The following SREBF1 variants were observed in gnomAD, a reference collection of about 807,000 sequenced individuals.
SREBF1 encodes the protein sterol regulatory element binding transcription factor 1.
A neutral mutation model predicts 100.1 loss-of-function variants in SREBF1; 45 were observed. The ratio of observed to expected loss-of-function variants is 0.45; its 90% CI spans 0.35 to 0.58. The LOEUF (loss-of-function observed/expected upper bound fraction) is 0.58, where lower values mean the gene tolerates loss of function less well. SREBF1 is among the 20% of genes least tolerant of loss of function. SREBF1 has a pLI of 0.00. For missense variants in SREBF1, 1,324 were observed against 1,539.4 expected, an observed-to-expected ratio of 0.86 and a Z score of 2.34; for synonymous variants, 657 against 681.8, an observed-to-expected ratio of 0.96 and a Z score of 0.57.
chr17:17,816,136 G>A lies in SREBF1; in HGVS notation c.2214+71C>T, dbSNP rs28521648. 6.2e-3 allele frequency: 6,497 copies of A among 1,041,542 alleles called. 205 individuals carry two copies. The African/African-American group carries it at 0.17, about 27-fold the overall frequency. 64.5% of individuals were successfully genotyped at this position (1,041,542 alleles called of 1,614,324 possible). Reference sequence around the variant, plus strand: ...CCCCTGGTAACCACTGCCACATCCCGTGTAGCTCTTACCCAGGGAGCCTCT... The same window carrying A: ...CCCCTGGTAACCACTGCCACATCCCATGTAGCTCTTACCCAGGGAGCCTCT... On this transcript the variant is annotated intron_variant, in intron 11 of 18. Coordinates refer to ENST00000261646, the MANE Select transcript of SREBF1 (RefSeq NM_004176.5).
At position 17,820,322 on chromosome 17, in the gene SREBF1, C is replaced by G; in HGVS notation, c.291G>C (p.Leu97=). 6.2e-7 allele frequency: 1 copy of G among 1,613,630 alleles called. No individual in the cohort carries two copies. ...GAGTGGGTGCAGGCTGGGGAGGGGA[C>G]AGGGGTGAGGGCGCTGCCTGCGGCC... ...LSGPQAAPSP[L]SPPQPAPTPL... Residue 97 remains leucine, a synonymous_variant, in exon 2 of 19, where the codon CTG becomes CTC. Coordinates refer to ENST00000261646, the MANE Select transcript of SREBF1 (RefSeq NM_004176.5).
In SREBF1 at chr17:17,817,284, C is replaced by G. The variant is rs1337280156; in HGVS notation, c.1578G>C (p.Gly526=). ...TGCTCTCGGTGCCCAGCACGTTGCGCCCAGGGCTATGGTAGACGCTGGTGG... is the reference window on the plus strand; with the variant it reads ...TGCTCTCGGTGCCCAGCACGTTGCGGCCAGGGCTATGGTAGACGCTGGTGG... The part of the protein sequence containing the change: ...SDTTSVYHSP[G]RNVLGTESRD... The change falls in exon 8 of 19, where the codon GGG becomes GGC. Residue 526 remains glycine, a synonymous_variant. Coordinates refer to ENST00000261646, the MANE Select transcript of SREBF1 (RefSeq NM_004176.5). The surrounding 1 kb of genome is among the most constrained non-coding windows in gnomAD (Gnocchi z 6.6). The G allele has an allele frequency of 6.2e-7, 1 of 1,608,116 alleles. No individual in the cohort carries two copies. Among genetic ancestry groups the G allele is most frequent in the African/African-American group, 1.3e-5 (1 of 74,892 alleles).
chr17:17,816,741 T>C (rs1296994831), intron 9 of SREBF1, 23 bp from the exon 10 acceptor site: 3 of 1,568,586 alleles, frequency 1.9e-6, no homozygotes, highest in Non-Finnish European at 2.6e-6. Context: ...GTTTTCCAGG[T>C]GAGAAAAGTG....
chr17:17,821,037 A>T (rs2034060370), intron 1 of SREBF1, among the ~76,000 whole-genome samples: 1 of 152,180 alleles, frequency 6.6e-6, no homozygotes. Flanking sequence ...AGAACTAAGC[A>T]ACTTTCTGGG....
At chr17:17,833,327 G>C in intron 1 of SREBF1, among the ~76,000 whole-genome samples, 1 of 148,706 alleles carries the variant, frequency 6.7e-6, no homozygotes, top group East Asian at 2.0e-4. Flanking sequence ...GGGAGGCTGA[G>C]GCAGAACTGT....
rs930087796 is a variant in SREBF1, at chr17:17,812,135, G to C, written c.*487C>G. 3 of 426,540 alleles carry C rather than the reference G, an allele frequency of 7.0e-6. No homozygotes were observed. The highest frequency in any genetic ancestry group is 1.7e-5 in the South Asian group (1 of 58,482). The allele number at this position is 426,540 out of a possible 1,614,324, so 26.4% of individuals were successfully genotyped here. ...AAACTTCTCAATCTATGAAAATAAA[G>C]TTTGCAAAAGGCAAAGTAGCACAGG... is the stretch of plus-strand genomic sequence containing the variant. On this transcript the variant is annotated 3_prime_UTR_variant, in exon 19 of 19. Transcript: ENST00000261646.
At chr17:17,827,896 G>A (rs564988389) in intron 1 of SREBF1, among the ~76,000 whole-genome samples, 1 of 152,282 alleles carries the variant, frequency 6.6e-6, no homozygotes, top group South Asian at 2.1e-4. Context: ...AGACAGAGAG[G>A]ACAACACGAA....
rs765863137 is a variant in SREBF1, at chr17:17,817,531, G to C, written c.1405-74C>G. ...AGAGCATGGGGCTGGGAAGGGGGGG[G>C]TCAGGATTCTGCCCACCTTACTGTG... On this transcript the variant is annotated intron_variant, in intron 7 of 18. Coordinates refer to ENST00000261646, the MANE Select transcript of SREBF1 (RefSeq NM_004176.5). This position sits in a 1 kb window ranked among gnomAD's most constrained non-coding sequence, Gnocchi z 6.6. 2 of 1,537,372 alleles carry C rather than the reference G, an allele frequency of 1.3e-6. No homozygotes were observed. Among genetic ancestry groups the C allele is most frequent in the African/African-American group, 1.4e-5 (1 of 73,102 alleles).
chr17:17,829,191 TAAAAAA>T (rs1253225038), intron 1 of SREBF1, among the ~76,000 whole-genome samples: 1 of 44,964 alleles, frequency 2.2e-5, no homozygotes, highest in African/African-American at 1.2e-4. Flanking sequence ...GACTCCATCT[TAAAAAA>T]AAAAAAAAAT....
At position 17,818,381 on chromosome 17, in the gene SREBF1, G is replaced by A. The variant is rs757407198; in HGVS notation, c.1069-7C>T. On this transcript the variant is annotated splice_polypyrimidine_tract_variant and splice_region_variant and intron_variant, in intron 5 of 18. Transcript: ENST00000261646. The stretch of plus-strand genomic sequence containing the variant: ...AGACAGCAGATTTATTCAGCTGCAC[G>A]GTGTGGGAGGGAGGGGGAGCGCACA... 6 of 1,610,096 alleles carry A rather than the reference G, an allele frequency of 3.7e-6. No individual in the cohort carries two copies. Among genetic ancestry groups the A allele is most frequent in the South Asian group, 1.1e-5 (1 of 90,970 alleles).
Position 17,836,836 on chromosome 17 carries a change from G to C in SREBF1, c.-19C>G, listed in dbSNP as rs774885553. On this transcript the variant is annotated 5_prime_UTR_variant, in exon 1 of 19. Coordinates refer to ENST00000261646, the MANE Select transcript of SREBF1 (RefSeq NM_004176.5). ...CGTCCATGGCGCAGCCGCCTCCTCC[G>C]GGAGGCCCGCCGGGCCCGCCGCCTC... 1.3e-6 allele frequency: 2 copies of C among 1,490,082 alleles called. No individual in the cohort carries two copies. Among genetic ancestry groups the C allele is most frequent in the Non-Finnish European group, 1.8e-6 (2 of 1,119,380 alleles). The allele number at this position is 1,490,082 out of a possible 1,614,324, so 92.3% of individuals were successfully genotyped here.
At chr17:17,826,418 C>G (rs1201900210) in intron 1 of SREBF1, among the ~76,000 whole-genome samples, 4 of 152,002 alleles carry the variant, frequency 2.6e-5, no homozygotes, top group Admixed American at 6.5e-5. Flanking sequence ...GAGAGCTGGT[C>G]TCTAGGGGCT....
At chr17:17,835,170 C>G (rs2035152543) in intron 1 of SREBF1, among the ~76,000 whole-genome samples, 1 of 152,048 alleles carries the variant, frequency 6.6e-6, no homozygotes, top group Admixed American at 6.6e-5. Flanking sequence ...AGTTCTGACC[C>G]CAAAGCGCAT....
chr17:17,818,605 G>A lies in SREBF1; in HGVS notation c.1069-231C>T. 5 of 577,988 alleles carry A rather than the reference G, an allele frequency of 8.7e-6. 1 individual carries two copies. In the South Asian group the frequency reaches 9.6e-5, roughly 11 times the overall value. 35.8% of individuals were successfully genotyped at this position (577,988 alleles called of 1,614,324 possible). ...AGACAGCAGGGTCTGGCTAGCTGCT[G>A]CTGTGCCTGCCGCCATCTCAGGGAG... On this transcript the variant is annotated intron_variant, in intron 5 of 18. Coordinates refer to ENST00000261646, the MANE Select transcript of SREBF1 (RefSeq NM_004176.5).
chr17:17,816,456 C>T lies in SREBF1; in HGVS notation c.2047+1G>A. The T allele has an allele frequency of 6.2e-7, 1 of 1,606,288 alleles. No homozygotes were observed. Among genetic ancestry groups the T allele is most frequent in the African/African-American group, 1.3e-5 (1 of 74,908 alleles). On this transcript the variant is annotated splice_donor_variant, in intron 10 of 18. Coordinates refer to ENST00000261646, the MANE Select transcript of SREBF1 (RefSeq NM_004176.5). LOFTEE classifies it high-confidence loss of function. ...GGAGCCCGCCCCACGCTCAGTCCTA[C>T]CCATGGTGTGCAGCTGGTGCAGCTT... is the stretch of plus-strand genomic sequence containing the variant.
intron 1 of SREBF1, among the ~76,000 whole-genome samples, chr17:17,828,642 G>A (rs959372834): frequency 1.3e-5 from 2 of 152,206 alleles, no homozygotes; most frequent in South Asian, 2.1e-4. Flanking sequence ...AAGGTTAGGC[G>A]CAGGGGCTCA....
Position 17,813,032 on chromosome 17 carries a change from G to A in SREBF1, c.3215-181C>T, listed in dbSNP as rs576115393. Reference sequence around the variant, plus strand: ...AGCCCACACACAAAGTCCACAGACTGAGTCACGCACGTGCAGTCATGTATC... The same window carrying A: ...AGCCCACACACAAAGTCCACAGACTAAGTCACGCACGTGCAGTCATGTATC... On this transcript the variant is annotated intron_variant, in intron 18 of 18. Coordinates refer to ENST00000261646, the MANE Select transcript of SREBF1 (RefSeq NM_004176.5). The A allele has an allele frequency of 1.3e-5, 8 of 618,874 alleles. No homozygotes were observed. In the South Asian group the frequency reaches 1.4e-4, roughly 11 times the overall value. The allele number at this position is 618,874 out of a possible 1,614,324, so 38.3% of individuals were successfully genotyped here.
Position 17,811,612 on chromosome 17 carries a change from T to G in SREBF1, c.*1010A>C. ...AAACCTCCCCCGCCCCTGTGCCCCC[T>G]CTCCAGTGTGGCGGCAGGTCGGGAG... On this transcript the variant is annotated 3_prime_UTR_variant, in exon 19 of 19. Transcript: ENST00000261646. 2 of 418,958 alleles carry G rather than the reference T, an allele frequency of 4.8e-6. No individual in the cohort carries two copies. Among genetic ancestry groups the G allele is most frequent in the Non-Finnish European group, 9.3e-6 (2 of 214,282 alleles). 26.0% of individuals were successfully genotyped at this position (418,958 alleles called of 1,614,324 possible). A position where few individuals can be genotyped will look rare whatever the true frequency, so the allele number is the denominator to read the frequency against.
chr17:17,820,184 G>A lies in SREBF1; in HGVS notation c.429C>T (p.Ala143=). 1 of 1,613,376 alleles carries A rather than the reference G, an allele frequency of 6.2e-7. No homozygotes were observed. The highest frequency in any genetic ancestry group is 8.5e-7 in the Non-Finnish European group (1 of 1,179,718). ...QTPTPQPLPG[A]LLPQSFPAPA... is the part of the protein sequence containing the mutation. ...GGGCTGGGAAGCTCTGTGGCAGGAG[G>A]GCCCCTGGCAGGGGCTGTGGGGTGG... Residue 143 remains alanine (A), a synonymous_variant, in exon 2 of 19, where the codon GCC becomes GCT. Coordinates refer to ENST00000261646, the MANE Select transcript of SREBF1 (RefSeq NM_004176.5).
Sources: gnomAD v4.1 joint callset for allele counts (sites outside exome capture counted in the v4.1 genomes callset) on GRCh38, gnomAD v4.1.1 for gene constraint, Gnocchi (gnomAD v3.1) non-coding constraint, MANE v1.5 for transcripts, NCBI Gene and HGNC (gene_info 2026-07-23, HGNC 2026-07-21) for gene names.